FYTTD1: variants seen among roughly 807,000 people sequenced by gnomAD.
FYTTD1 encodes UAP56-interacting factor.
FYTTD1 carries 22 observed loss-of-function variants against 40.9 expected under a neutral mutation model. That is an observed-to-expected ratio of 0.54 (90% CI 0.38 to 0.77). FYTTD1 has a LOEUF of 0.77. FYTTD1 is among the 30% of genes least tolerant of loss of function. The pLI, the probability that FYTTD1 is intolerant of heterozygous loss-of-function variation, is 0.00. For synonymous variants in FYTTD1, 140 were observed against 137.9 expected, an observed-to-expected ratio of 1.01 and a Z score of -0.10; for missense variants, 351 against 392.2, an observed-to-expected ratio of 0.90 and a Z score of 0.89.
intron 1 of FYTTD1, chr3:197,750,849 C>A: frequency 1.0e-6 from 1 of 985,372 alleles, no homozygotes; most frequent in Non-Finnish European, 1.2e-6. Flanking sequence ...TTGAGCGCAT[C>A]TGAGAGGGTG....
chr3:197,769,191 A>G (rs1729638404), intron 3 of FYTTD1, among the ~76,000 whole-genome samples: 1 of 151,922 alleles, frequency 6.6e-6, no homozygotes, highest in African/African-American at 2.4e-5. Context: ...GGTTTCAAGC[A>G]ATTCTTCTGC....
chr3:197,759,004 C>A (rs563063075), intron 2 of FYTTD1, among the ~76,000 whole-genome samples: 6 of 151,438 alleles, frequency 4.0e-5, no homozygotes, highest in Admixed American at 2.6e-4. Flanking sequence ...AGTGGTAGAG[C>A]GTATAGAGTT....
chr3:197,753,479 A>G (rs1729125583), intron 1 of FYTTD1, among the ~76,000 whole-genome samples: 1 of 151,930 alleles, frequency 6.6e-6, no homozygotes, highest in Admixed American at 6.6e-5. Context: ...ATTACCATGT[A>G]TATTCCTCTA....
In FYTTD1 at chr3:197,759,808, C is replaced by T. The variant is rs1248719769; in HGVS notation, c.235+3251C>T. On this transcript the variant is annotated intron_variant, in intron 2 of 8. Transcript: ENST00000241502. ...TATAGAGTGTTCTTCAGTGGTAGAA[C>T]GTATAGAGTTGTTCTTCAGTGGTAG... Among the ~76,000 whole-genome samples the T allele has an allele frequency of 6.8e-5, 10 of 146,880 alleles. No homozygotes were observed. The South Asian group carries it at 1.1e-3, about 17-fold the overall frequency.
intron 6 of FYTTD1, among the ~76,000 whole-genome samples, chr3:197,774,954 A>AC (rs1288446336): frequency 6.6e-6 from 1 of 152,254 alleles, no homozygotes; most frequent in African/African-American, 2.4e-5. Context: ...GTCCTTTGTT[A>AC]ATTTTCCCCA....
At chr3:197,767,982 C>T (rs933172512) in intron 2 of FYTTD1, among the ~76,000 whole-genome samples, 2 of 152,140 alleles carry the variant, frequency 1.3e-5, no homozygotes, top group African/African-American at 2.4e-5. Flanking sequence ...AGATTGAGCA[C>T]ATATGAATAT....
intron 2 of FYTTD1, among the ~76,000 whole-genome samples, chr3:197,757,926 G>A (rs180918885): frequency 1.6e-4 from 25 of 152,164 alleles, no homozygotes; most frequent in African/African-American, 4.6e-4. Context: ...TTTTTGAGAC[G>A]GAGTTTTGCT....
At chr3:197,776,691 T>A (rs1395392006) in intron 6 of FYTTD1, among the ~76,000 whole-genome samples, 4 of 152,102 alleles carry the variant, frequency 2.6e-5, no homozygotes, top group African/African-American at 9.7e-5. Flanking sequence ...TTGTACTATT[T>A]GATTTTTTTA....
rs139410410 is a variant in FYTTD1, at chr3:197,784,007, A to G, written c.*2098A>G. 1.9e-4 allele frequency: 29 copies of G among 152,774 alleles called. No homozygotes were observed. The highest frequency in any genetic ancestry group is 6.7e-4 in the African/African-American group (28 of 41,578). 9.5% of individuals were successfully genotyped at this position (152,774 alleles called of 1,614,324 possible). ...AACTCTTGGTGGTCACATATTGTAT[A>G]TAAACAAAACAATATGCTTTGTTGA... On this transcript the variant is annotated 3_prime_UTR_variant, in exon 9 of 9. Transcript: ENST00000241502.
chr3:197,753,904 T>A (rs1435412322), intron 1 of FYTTD1, among the ~76,000 whole-genome samples: 1 of 151,962 alleles, frequency 6.6e-6, no homozygotes, highest in African/African-American at 2.4e-5. Context: ...CACACCCGGC[T>A]AATTTTTTGT....
rs1560493625 is a variant in FYTTD1, at chr3:197,759,503, T to TGTATGGAGTTGTTCCTCAGTGGTAGAAC, written c.235+2979_235+3006dup. On this transcript the variant is annotated intron_variant, in intron 2 of 8. Transcript: ENST00000241502. ...GTGGAGTTGTTCCTCAGTGGTAGAA[T>TGTATGGAGTTGTTCCTCAGTGGTAGAAC]GTATGGAGTTGTTCCTCAGTGGTAG... is the stretch of plus-strand genomic sequence containing the variant. Among the ~76,000 whole-genome samples the TGTATGGAGTTGTTCCTCAGTGGTAGAAC allele has an allele frequency of 1.0e-4, 15 of 150,296 alleles. No individual in the cohort carries two copies. The East Asian group carries it at 2.6e-3, about 26-fold the overall frequency.
At chr3:197,767,441 A>ATTTTT (rs35419113) in intron 2 of FYTTD1, among the ~76,000 whole-genome samples, 25 of 145,110 alleles carry the variant, frequency 1.7e-4, no homozygotes, top group African/African-American at 6.0e-4. Flanking sequence ...CCTGGCTGCT[A>ATTTTT]TTTTTTTTTT....
intron 1 of FYTTD1, among the ~76,000 whole-genome samples, chr3:197,751,957 C>T (rs960867016): frequency 1.3e-5 from 2 of 149,082 alleles, no homozygotes; most frequent in African/African-American, 5.0e-5. Flanking sequence ...CTGCAACCTC[C>T]GCCTCCCGGG....
intron 1 of FYTTD1, 57 bp from the exon 2 acceptor site, chr3:197,756,369 A>T (rs1729214551): frequency 7.5e-7 from 1 of 1,332,866 alleles, no homozygotes; most frequent in South Asian, 1.2e-5. Flanking sequence ...CTAGAAAACG[A>T]AACTGAGTAA....
chr3:197,780,746 T>C (rs913784844), intron 8 of FYTTD1, among the ~76,000 whole-genome samples: 5 of 151,842 alleles, frequency 3.3e-5, no homozygotes, highest in African/African-American at 9.7e-5. Flanking sequence ...GGTTTCACCA[T>C]ATTGGCCAGG....
rs1266753477 is a variant in FYTTD1, at chr3:197,749,937, T to A, written c.-35T>A. 1 of 1,460,720 alleles carries A rather than the reference T, an allele frequency of 6.8e-7. No individual in the cohort carries two copies. Among genetic ancestry groups the A allele is most frequent in the Non-Finnish European group, 9.3e-7 (1 of 1,076,760 alleles). 90.5% of individuals were successfully genotyped at this position (1,460,720 alleles called of 1,614,324 possible). On this transcript the variant is annotated 5_prime_UTR_variant, in exon 1 of 9. Coordinates refer to ENST00000241502, the MANE Select transcript of FYTTD1 (RefSeq NM_032288.7). ...GGTGGCAGGCCTGCGACTCCGGCCT[T>A]GTCCGCGCCCGCTCTCGGCGCGACG...
At chr3:197,774,569 C>A (rs1354054624) in intron 6 of FYTTD1, among the ~76,000 whole-genome samples, 1 of 151,356 alleles carries the variant, frequency 6.6e-6, no homozygotes, top group Non-Finnish European at 1.5e-5. Context: ...CCAGTGCACA[C>A]CATCCTGAGC....
intron 4 of FYTTD1, among the ~76,000 whole-genome samples, chr3:197,771,775 T>TC (rs1729725846): frequency 7.4e-5 from 1 of 13,592 alleles, no homozygotes; most frequent in Admixed American, 1.0e-3. Flanking sequence ...AGACTCCGTC[T>TC]CAAAAAAAAA....
chr3:197,756,491 C>G lies in FYTTD1; in HGVS notation c.169C>G (p.Leu57Val), dbSNP rs1411163616. 2 of 1,611,324 alleles carry G rather than the reference C, an allele frequency of 1.2e-6. No homozygotes were observed. Among genetic ancestry groups the G allele is most frequent in the South Asian group, 2.2e-5 (2 of 91,032 alleles). The change falls in exon 2 of 9, where the codon CTC (leucine) becomes GTC (valine). Residue 57 changes from leucine to valine, a missense_variant. Physicochemically the swap from Leu to Val is conservative, Grantham distance 32. Coordinates refer to ENST00000241502, the MANE Select transcript of FYTTD1 (RefSeq NM_032288.7). Reference protein sequence around the residue: ...KQNFPRLNRRLLQQSGAQQFR... With the variant: ...KQNFPRLNRRVLQQSGAQQFR... ...GAATTTTCCAAGACTAAATAGAAGACTCCTCCAGCAAAGTGGTGCCCAGCA... is the reference window on the plus strand; with the variant it reads ...GAATTTTCCAAGACTAAATAGAAGAGTCCTCCAGCAAAGTGGTGCCCAGCA...
Sources: allele counts gnomAD v4.1 joint callset (sites outside exome capture counted in the v4.1 genomes callset), GRCh38; gene constraint gnomAD v4.1.1; transcripts MANE v1.5; gene names NCBI Gene and HGNC (gene_info 2026-07-23, HGNC 2026-07-21).